The following FAT4 variants were observed in gnomAD, a reference collection of about 807,000 sequenced individuals.
FAT4 encodes FAT atypical cadherin 4, also known as protocadherin Fat 4.
In FAT4, 84 loss-of-function variants were observed where a neutral mutation model predicts 303.9. The ratio of observed to expected loss-of-function variants is 0.28; its 90% CI spans 0.23 to 0.33. The LOEUF (loss-of-function observed/expected upper bound fraction) is 0.33, where lower values mean the gene tolerates loss of function less well. FAT4 is among the 10% of genes least tolerant of loss of function. FAT4 has a pLI of 1.00. For missense variants in FAT4, 6,005 were observed against 6,146.8 expected, an observed-to-expected ratio of 0.98 and a Z score of 0.77; for synonymous variants, 2,307 against 2,298.8, an observed-to-expected ratio of 1.00 and a Z score of -0.10.
intron 14 of FAT4, among the ~76,000 whole-genome samples, chr4:125,477,954 A>T (rs541561851): frequency 4.6e-5 from 7 of 152,260 alleles, no homozygotes; most frequent in African/African-American, 1.4e-4. Context: ...CTATAATCTA[A>T]CCACCCAGAG....
Position 125,434,278 on chromosome 4 carries a change from A to G in FAT4, c.7052A>G (p.Asn2351Ser), listed in dbSNP as rs145105421. ...GCCTTGACTGGAACTGGAACAATCA[A>G]CGTCATAGTAGATGATGTCAATGAC... ...SPALTGTGTI[N>S]VIVDDVNDNV... Residue 2351 changes from asparagine (N) to serine (S), a missense_variant, in exon 8 of 18, where the codon AAC (asparagine) becomes AGC (serine). Transcript: ENST00000394329. 1.6e-4 allele frequency: 257 copies of G among 1,613,986 alleles called. No individual in the cohort carries two copies. The African/African-American group carries it at 3.2e-3, about 20-fold the overall frequency.
At chr4:125,446,922 C>T (rs1297026711) in intron 9 of FAT4, among the ~76,000 whole-genome samples, 2 of 151,846 alleles carry the variant, frequency 1.3e-5, no homozygotes, top group Non-Finnish European at 2.9e-5. Flanking sequence ...TATGCCACTA[C>T]CTGAAACATG....
intron 16 of FAT4, among the ~76,000 whole-genome samples, chr4:125,482,152 A>T (rs915594410): frequency 6.6e-6 from 1 of 152,236 alleles, no homozygotes; most frequent in Admixed American, 6.5e-5. Context: ...GTCAATTGAC[A>T]GGATTAGAAT....
intron 2 of FAT4, among the ~76,000 whole-genome samples, chr4:125,377,069 T>A (rs1733355096): frequency 6.6e-6 from 1 of 152,130 alleles, no homozygotes; most frequent in African/African-American, 2.4e-5. Flanking sequence ...TTTCTTTGTG[T>A]TTTTCTTCTT....
Position 125,408,761 on chromosome 4 carries a change from G to T in FAT4, c.5887G>T (p.Val1963Phe). 2 of 1,581,798 alleles carry T rather than the reference G, an allele frequency of 1.3e-6. No homozygotes were observed. Among genetic ancestry groups the T allele is most frequent in the Admixed American group, 1.8e-5 (1 of 55,674 alleles). ...GGAGAATCTACCTGTGGGATCTACTGTTCTTGTGTTTAATGTTACTGATGC... is the reference window on the plus strand; with the variant it reads ...GGAGAATCTACCTGTGGGATCTACTTTTCTTGTGTTTAATGTTACTGATGC... ...LMENLPVGST[V>F]LVFNVTDADD... Residue 1963 changes from valine (V) to phenylalanine (F), a missense_variant, in exon 5 of 18, where the codon GTT becomes TTT. Physicochemically the swap from Val to Phe is conservative, Grantham distance 50 (BLOSUM62 -1). Coordinates refer to ENST00000394329, the MANE Select transcript of FAT4 (RefSeq NM_001291303.3).
chr4:125,422,726 A>T (rs77429114), intron 7 of FAT4, among the ~76,000 whole-genome samples: 415 of 152,280 alleles, frequency 2.7e-3, no homozygotes, highest in Non-Finnish European at 4.4e-3. Context: ...CAGAGAGAGT[A>T]GGGCACTGCT....
intron 2 of FAT4, among the ~76,000 whole-genome samples, chr4:125,363,104 A>G (rs183479554): frequency 2.0e-5 from 3 of 152,274 alleles, no homozygotes; most frequent in African/African-American, 7.2e-5. Context: ...GAAATTATCA[A>G]ATCATTTTTC....
chr4:125,487,345 A>G lies in FAT4; in HGVS notation c.12823A>G (p.Ile4275Val), dbSNP rs1238537830. 6.2e-7 allele frequency: 1 copy of G among 1,610,098 alleles called. No individual in the cohort carries two copies. Among genetic ancestry groups the G allele is most frequent in the Admixed American group, 1.7e-5 (1 of 59,848 alleles). Reference sequence around the variant, plus strand: ...ATACTATTTTTAATATGTTTTACAGATTAAGAATGGCAAAGTATATTTTAC... The same window carrying G: ...ATACTATTTTTAATATGTTTTACAGGTTAAGAATGGCAAAGTATATTTTAC... Reference protein sequence around the residue: ...QESSNYTTVKIKNGKVYFTSD... With the variant: ...QESSNYTTVKVKNGKVYFTSD... Residue 4275 changes from isoleucine to valine, a missense_variant and splice_region_variant, in exon 17 of 18, where the codon ATT (isoleucine) becomes GTT (valine). Ile to Val is a conservative substitution (Grantham distance 29). Transcript: ENST00000394329.
chr4:125,396,343 A>T (rs1734168935), intron 2 of FAT4, among the ~76,000 whole-genome samples: 1 of 152,150 alleles, frequency 6.6e-6, no homozygotes, highest in Non-Finnish European at 1.5e-5. Context: ...TTATTTTATT[A>T]AAACTATTAA....
intron 2 of FAT4, among the ~76,000 whole-genome samples, chr4:125,325,845 T>G (rs984300416): frequency 5.3e-5 from 8 of 152,230 alleles, no homozygotes; most frequent in African/African-American, 1.7e-4. Context: ...TGCTTTGATT[T>G]GTGCTAAAGT....
intron 13 of FAT4, among the ~76,000 whole-genome samples, chr4:125,476,920 C>T (rs1364468231): frequency 6.6e-6 from 1 of 151,972 alleles, no homozygotes; most frequent in African/African-American, 2.4e-5. Context: ...TGATAATATA[C>T]ATCTAACTTG....
chr4:125,485,038 G>A (rs1727360282), intron 16 of FAT4, among the ~76,000 whole-genome samples: 1 of 152,002 alleles, frequency 6.6e-6, no homozygotes, highest in Non-Finnish European at 1.5e-5. Context: ...TTTTTTTGTA[G>A]GGATGAGGTT....
At chr4:125,460,929 T>C (rs887346004) in intron 10 of FAT4, among the ~76,000 whole-genome samples, 43 of 152,116 alleles carry the variant, frequency 2.8e-4, no homozygotes, top group African/African-American at 1.0e-3. Flanking sequence ...ACTGAAATAC[T>C]GAATGCAAGG....
intron 2 of FAT4, among the ~76,000 whole-genome samples, chr4:125,386,266 A>AGTTTTGTTTTGTTTT (rs1207376448): frequency 2.0e-5 from 3 of 151,954 alleles, no homozygotes; most frequent in African/African-American, 7.2e-5. Flanking sequence ...AGGCTTTCTG[A>AGTTTTGTTTTGTTTT]GTTTTGTTTT....
rs764672318 is a variant in FAT4, at chr4:125,451,904, G to A, written c.10894G>A (p.Gly3632Ser). The A allele has an allele frequency of 1.7e-5, 28 of 1,613,892 alleles. No homozygotes were observed. The Admixed American group carries it at 2.0e-4, about 12-fold the overall frequency. The change falls in exon 10 of 18, where the codon GGT becomes AGT. Residue 3632 changes from glycine to serine, a missense_variant. Physicochemically the swap from Gly to Ser is moderately conservative, Grantham distance 56 (BLOSUM62 0). Transcript: ENST00000394329. ...FVNYYGNLFP[G>S]GILGSVKPQD... Reference sequence around the variant, plus strand: ...TAATTATTATGGTAACTTGTTTCCCGGTGGGATTTTAGGCTCTGTGAAGCC... The same window carrying A: ...TAATTATTATGGTAACTTGTTTCCCAGTGGGATTTTAGGCTCTGTGAAGCC...
In FAT4 at chr4:125,320,716, C is replaced by T. The variant is rs2710555; in HGVS notation, c.4305C>T (p.Ile1435=). 0.7 allele frequency: 1,136,279 copies of T among 1,613,428 alleles called. 403,225 individuals carry two copies. Among genetic ancestry groups the T allele is most frequent in the African/African-American group, 0.86 (64,529 of 75,004 alleles). The change falls in exon 2 of 18, where the codon ATC becomes ATT. Residue 1435 remains isoleucine (I), a synonymous_variant. Coordinates refer to ENST00000394329, the MANE Select transcript of FAT4 (RefSeq NM_001291303.3). ...IFKSIVENIP[I]GTSVISVTAH... ...AGTCTATTGTTGAGAACATTCCCAT[C>T]GGTACATCTGTCATTTCAGTGACTG... is the stretch of plus-strand genomic sequence containing the variant.
At chr4:125,423,155 G>T (rs1246782019) in intron 7 of FAT4, among the ~76,000 whole-genome samples, 2 of 152,192 alleles carry the variant, frequency 1.3e-5, no homozygotes, top group Admixed American at 6.5e-5. Context: ...CATTTTCTGG[G>T]GAGAAATTCA....
At chr4:125,467,902 T>G (rs868426496) in intron 11 of FAT4, among the ~76,000 whole-genome samples, 1 of 152,292 alleles carries the variant, frequency 6.6e-6, no homozygotes, top group Middle Eastern at 3.4e-3. Context: ...CGGTAGCTCA[T>G]GCCTGTAATC....
rs1008716498 is a variant in FAT4, at chr4:125,319,442, G to A, written c.3031G>A (p.Val1011Met). Reference protein sequence around the residue: ...YEVTLSESEPVNSRFFKVQAS... With the variant: ...YEVTLSESEPMNSRFFKVQAS... ...AGTCACCCTTTCTGAGTCAGAACCT[G>A]TGAATTCTCGATTCTTTAAAGTACA... Residue 1011 changes from valine (V) to methionine (M), a missense_variant, in exon 2 of 18, where the codon GTG becomes ATG. By Grantham distance (21) the Val-to-Met change is conservative. Transcript: ENST00000394329. 1.9e-6 allele frequency: 3 copies of A among 1,613,804 alleles called. No individual in the cohort carries two copies. The highest frequency in any genetic ancestry group is 2.2e-5 in the East Asian group (1 of 44,872).
Sources: gnomAD v4.1 joint callset for allele counts (sites outside exome capture counted in the v4.1 genomes callset) on GRCh38, gnomAD v4.1.1 for gene constraint, MANE v1.5 for transcripts, NCBI Gene and HGNC (gene_info 2026-07-23, HGNC 2026-07-21) for gene names.